OPCML: variants seen among roughly 807,000 people sequenced by gnomAD.
OPCML encodes opioid binding protein/cell adhesion molecule like, also known as opioid-binding protein/cell adhesion molecule.
A neutral mutation model predicts 37.8 loss-of-function variants in OPCML; 13 were observed. The observed-to-expected ratio is 0.34, with a 90% CI of 0.22 to 0.55. The LOEUF (loss-of-function observed/expected upper bound fraction) is 0.55. Ranked by LOEUF, OPCML falls within the 20% of genes least tolerant of loss-of-function variation. The pLI is 0.91. For missense variants in OPCML, 341 were observed against 435.6 expected (o/e 0.78, Z 1.93); for synonymous variants, 176 against 168.8 (o/e 1.04, Z -0.33).
intron 4 of OPCML, among the ~76,000 whole-genome samples, chr11:132,469,489 G>C (rs1489613945): frequency 6.6e-6 from 1 of 150,388 alleles, no homozygotes; most frequent in African/African-American, 2.4e-5. Context: ...TGTGGTGACT[G>C]TGTGTGTATG....
intron 4 of OPCML, among the ~76,000 whole-genome samples, chr11:132,477,987 T>C (rs1028334603): frequency 3.3e-5 from 5 of 152,210 alleles, no homozygotes; most frequent in Non-Finnish European, 5.9e-5. Context: ...TGCTTATTCA[T>C]TTTTAAATAT....
At chr11:133,436,359 G>C (rs1946233466) in intron 1 of OPCML, among the ~76,000 whole-genome samples, 1 of 152,202 alleles carries the variant, frequency 6.6e-6, no homozygotes, top group African/African-American at 2.4e-5. Flanking sequence ...CAACGGGTAA[G>C]GAACCGGGTG....
chr11:132,794,396 C>T (rs1282315622), intron 2 of OPCML, among the ~76,000 whole-genome samples: 1 of 152,222 alleles, frequency 6.6e-6, no homozygotes, highest in African/African-American at 2.4e-5. Context: ...AGTTATAAAT[C>T]AATCTATCCA....
intron 2 of OPCML, among the ~76,000 whole-genome samples, chr11:132,838,966 T>A (rs1941166928): frequency 2.6e-5 from 4 of 152,148 alleles, no homozygotes; most frequent in Non-Finnish European, 5.9e-5. Context: ...CATTACCAAG[T>A]GCACACCAAC....
chr11:132,652,206 T>A (rs886873541), intron 3 of OPCML, among the ~76,000 whole-genome samples: 1 of 152,124 alleles, frequency 6.6e-6, no homozygotes. Context: ...GAAAATTAAT[T>A]ATCCTCTCTT....
chr11:132,935,482 G>T (rs1471975863), intron 2 of OPCML, among the ~76,000 whole-genome samples: 1 of 152,162 alleles, frequency 6.6e-6, no homozygotes. Context: ...TCTTTATGAT[G>T]ATTATGCAGT....
chr11:132,627,407 G>A (rs1055661466), intron 3 of OPCML, among the ~76,000 whole-genome samples: 3 of 152,164 alleles, frequency 2.0e-5, no homozygotes, highest in Non-Finnish European at 2.9e-5. Context: ...TAGATATATT[G>A]AGCATTTTCT....
intron 1 of OPCML, among the ~76,000 whole-genome samples, chr11:133,063,750 C>T (rs1394923873): frequency 6.6e-6 from 1 of 152,032 alleles, no homozygotes; most frequent in Non-Finnish European, 1.5e-5. Context: ...TTAGTAGAGA[C>T]GAAGTTTCAC....
At chr11:132,500,889 C>CT (rs1565616651) in intron 4 of OPCML, among the ~76,000 whole-genome samples, 1 of 152,160 alleles carries the variant, frequency 6.6e-6, no homozygotes, top group Non-Finnish European at 1.5e-5. Flanking sequence ...TGAACTTATT[C>CT]TTTTTTATGG....
Position 133,017,198 on chromosome 11 carries a change from C to T in OPCML, c.62-74188G>A, listed in dbSNP as rs563631683. On this transcript the variant is annotated intron_variant, in intron 1 of 7. Transcript: ENST00000524381. ...TTCTGCCTCTTCTTTTATAAGCGCA[C>T]TAATCCCATTTGTGAGAGCTCTGCC... Among the ~76,000 whole-genome samples, 4 of 152,216 alleles carry T rather than the reference C, an allele frequency of 2.6e-5. No individual in the cohort carries two copies. The South Asian group carries it at 8.3e-4, about 32-fold the overall frequency.
intron 4 of OPCML, among the ~76,000 whole-genome samples, chr11:132,464,006 T>C (rs539835179): frequency 1.6e-4 from 25 of 152,234 alleles, no homozygotes; most frequent in Non-Finnish European, 3.2e-4. Context: ...CCCTGGAGTT[T>C]GAACTACTAA....
chr11:133,082,939 T>C (rs1228204191), intron 1 of OPCML, among the ~76,000 whole-genome samples: 1 of 150,422 alleles, frequency 6.6e-6, no homozygotes, highest in African/African-American at 2.4e-5. Context: ...GGGGCGGACG[T>C]CGCGCCAGTG....
chr11:132,489,917 A>G (rs993121824), intron 4 of OPCML, among the ~76,000 whole-genome samples: 5 of 151,962 alleles, frequency 3.3e-5, no homozygotes, highest in Non-Finnish European at 2.9e-5. Context: ...TTCAGCTCCC[A>G]TTTATGAGTG....
chr11:133,178,618 T>G (rs1016142930), intron 1 of OPCML, among the ~76,000 whole-genome samples: 3 of 151,996 alleles, frequency 2.0e-5, no homozygotes, highest in African/African-American at 7.3e-5. Context: ...AGACAACCAC[T>G]ATGTGGGACA....
Position 133,423,557 on chromosome 11 carries a change from C to T in OPCML, c.61+108707G>A, listed in dbSNP as rs1257875243. 5.7e-6 allele frequency: 5 copies of T among 874,586 alleles called. No homozygotes were observed. The African/African-American group carries it at 7.3e-5, about 13-fold the overall frequency. The allele number at this position is 874,586 out of a possible 1,614,324, so 54.2% of individuals were successfully genotyped here. ...AGAAGTCCTCAAAGGAATTTAATTC[C>T]TTGGAAAAGCAGATCTGTGAAAGAT... On this transcript the variant is annotated intron_variant, in intron 1 of 7. Transcript: ENST00000524381.
Position 133,459,542 on chromosome 11 carries a change from C to A in OPCML, c.61+72722G>T, listed in dbSNP as rs145751699. Among the ~76,000 whole-genome samples, 363 of 151,954 alleles carry A rather than the reference C, an allele frequency of 2.4e-3. 2 individuals are homozygous for A. The highest frequency in any genetic ancestry group is 8.3e-3 in the African/African-American group (344 of 41,500). On this transcript the variant is annotated intron_variant, in intron 1 of 7. Transcript: ENST00000524381. ...AAAATATGGGAAAAGGTATTCTATG[C>A]AAATAGTAACCAAAACAAAAGTGAC...
At chr11:133,301,567 T>C (rs1208659757) in intron 1 of OPCML, 1 of 152,200 alleles carries the variant, frequency 6.6e-6, no homozygotes, top group Admixed American at 6.5e-5. Flanking sequence ...TCCATATGTT[T>C]AGGTAAATGT....
At chr11:132,878,393 C>G (rs1943101743) in intron 2 of OPCML, among the ~76,000 whole-genome samples, 1 of 152,142 alleles carries the variant, frequency 6.6e-6, no homozygotes, top group Non-Finnish European at 1.5e-5. Flanking sequence ...CTCATCCTAT[C>G]TTTTGAAAGC....
intron 2 of OPCML, among the ~76,000 whole-genome samples, chr11:132,899,609 G>C (rs996263773): frequency 3.9e-5 from 6 of 152,126 alleles, no homozygotes; most frequent in Admixed American, 6.5e-5. Context: ...AGGTGGACCT[G>C]TGATGATTAA....
Sources: gnomAD v4.1 joint callset for allele counts (sites outside exome capture counted in the v4.1 genomes callset) on GRCh38, gnomAD v4.1.1 for gene constraint, MANE v1.5 for transcripts, NCBI Gene and HGNC (gene_info 2026-07-23, HGNC 2026-07-21) for gene names.